GRIK4: variants seen among roughly 807,000 people sequenced by gnomAD.
The protein encoded by GRIK4 is glutamate receptor ionotropic, kainate 4.
A neutral mutation model predicts 104.9 loss-of-function variants in GRIK4; 40 were observed. That is an observed-to-expected ratio of 0.38 (90% confidence interval 0.30 to 0.50). The LOEUF is 0.50. GRIK4 is among the 20% of genes least tolerant of loss of function. The pLI is 0.93. For missense variants in GRIK4, 1,047 were observed against 1,308.1 expected, an observed-to-expected ratio of 0.80 and a Z score of 3.08; for synonymous variants, 485 against 524.9, an observed-to-expected ratio of 0.92 and a Z score of 1.04.
intron 13 of GRIK4, among the ~76,000 whole-genome samples, chr11:120,918,785 A>G (rs1216756734): frequency 6.6e-6 from 1 of 152,190 alleles, no homozygotes; most frequent in Non-Finnish European, 1.5e-5. Flanking sequence ...GGGAGCACAG[A>G]GAAGGAGGGA....
chr11:120,583,734 T>G (rs1322772092), intron 1 of GRIK4, among the ~76,000 whole-genome samples: 1 of 152,236 alleles, frequency 6.6e-6, no homozygotes, highest in Non-Finnish European at 1.5e-5. Context: ...AAACAGTTTT[T>G]CCTAGTTCTG....
chr11:120,621,480 G>A (rs2135165388), intron 1 of GRIK4, among the ~76,000 whole-genome samples: 1 of 152,330 alleles, frequency 6.6e-6, no homozygotes, highest in South Asian at 2.1e-4. Flanking sequence ...GGGATTTTCT[G>A]TGAGGTAGAC....
intron 1 of GRIK4, among the ~76,000 whole-genome samples, chr11:120,587,292 G>A (rs572737900): frequency 5.3e-5 from 8 of 151,976 alleles, no homozygotes; most frequent in African/African-American, 1.2e-4. Flanking sequence ...AAGGCACCGC[G>A]GCCAGTGTGA....
chr11:120,622,379 C>T (rs1199970999), intron 1 of GRIK4, among the ~76,000 whole-genome samples: 11 of 152,140 alleles, frequency 7.2e-5, no homozygotes, highest in Non-Finnish European at 1.5e-5. Flanking sequence ...CTTTAGGGGG[C>T]AGAAGTGAGA....
chr11:120,784,076 G>T (rs1014382455), intron 3 of GRIK4, among the ~76,000 whole-genome samples: 2 of 152,136 alleles, frequency 1.3e-5, no homozygotes, highest in Admixed American at 1.3e-4. Context: ...GTAGAACAGT[G>T]ACTTGATATT....
At chr11:120,834,227 G>T (rs1953511607) in intron 7 of GRIK4, among the ~76,000 whole-genome samples, 2 of 151,690 alleles carry the variant, frequency 1.3e-5, no homozygotes, top group Non-Finnish European at 2.9e-5. Context: ...TAGCACCCTT[G>T]CCAATACTGG....
At position 120,952,230 on chromosome 11, in the gene GRIK4, C is replaced by T. The variant is rs1227272330; in HGVS notation, c.1591-625C>T. ...TGGGCTTTGAGTCAGGAAACATGGG[C>T]TTTTTTGGGTCCCGGCTCTTCCATT... On this transcript the variant is annotated intron_variant, in intron 14 of 20. Coordinates refer to ENST00000527524, the MANE Select transcript of GRIK4 (RefSeq NM_014619.5). The surrounding 1 kb of genome is among the most constrained non-coding windows in gnomAD (Gnocchi z 5.2). Among the ~76,000 whole-genome samples the T allele has an allele frequency of 6.6e-6, 1 of 152,134 alleles. No homozygotes were observed. The highest frequency in any genetic ancestry group is 2.4e-5 in the African/African-American group (1 of 41,418).
At chr11:120,724,269 C>T (rs558380605) in intron 3 of GRIK4, among the ~76,000 whole-genome samples, 39 of 152,310 alleles carry the variant, frequency 2.6e-4, no homozygotes, top group African/African-American at 6.7e-4. Context: ...CTTACTCAGC[C>T]TTCCAAGTAA....
intron 3 of GRIK4, among the ~76,000 whole-genome samples, chr11:120,689,406 G>C (rs1458606202): frequency 6.6e-6 from 1 of 152,016 alleles, no homozygotes; most frequent in Non-Finnish European, 1.5e-5. Flanking sequence ...TCTTATTTAT[G>C]AAATACCAAC....
intron 2 of GRIK4, among the ~76,000 whole-genome samples, chr11:120,654,464 G>A (rs1949670206): frequency 6.6e-6 from 1 of 152,160 alleles, no homozygotes; most frequent in Non-Finnish European, 1.5e-5. Context: ...GCCGGTTCAA[G>A]TGATTCTCCT....
rs1467826001 is a variant in GRIK4, at chr11:120,566,973, T to TC, written c.-159+55086_-159+55087insC. The stretch of plus-strand genomic sequence containing the variant: ...CCGCCCACCTCGGCCTCCTAATTTT[T>TC]TTTTTTTTTTTTTTTTTTTTTGAGA... On this transcript the variant is annotated intron_variant, in intron 1 of 20. Transcript: ENST00000527524. Among the ~76,000 whole-genome samples the TC allele has an allele frequency of 2.2e-3, 305 of 138,242 alleles. 2 individuals are homozygous for TC. Among genetic ancestry groups the TC allele is most frequent in the African/African-American group, 8.8e-3 (290 of 33,114 alleles). 90.7% of individuals were successfully genotyped at this position (138,242 alleles called of 152,430 possible). A position where few individuals can be genotyped will look rare whatever the true frequency, so the allele number is the denominator to read the frequency against.
intron 3 of GRIK4, among the ~76,000 whole-genome samples, chr11:120,679,485 A>G (rs899597865): frequency 6.6e-6 from 1 of 152,256 alleles, no homozygotes; most frequent in Admixed American, 6.5e-5. Context: ...TCCCTGGAGC[A>G]TGGCCCATGC....
intron 3 of GRIK4, among the ~76,000 whole-genome samples, chr11:120,696,504 G>T (rs1175016090): frequency 7.6e-6 from 1 of 131,364 alleles, no homozygotes; most frequent in Non-Finnish European, 1.6e-5. Context: ...GGTAGAGGGG[G>T]CTGTGAAGCT....
chr11:120,631,867 A>G (rs895118834), intron 1 of GRIK4, among the ~76,000 whole-genome samples: 1 of 152,194 alleles, frequency 6.6e-6, no homozygotes, highest in African/African-American at 2.4e-5. Context: ...CATCTGCTCC[A>G]GAGACCCCCA....
intron 3 of GRIK4, among the ~76,000 whole-genome samples, chr11:120,663,875 C>G (rs193223790): frequency 4.6e-5 from 7 of 152,176 alleles, no homozygotes; most frequent in African/African-American, 1.7e-4. Context: ...AGTCCTTTCC[C>G]GTTATCATCC....
intron 11 of GRIK4, among the ~76,000 whole-genome samples, chr11:120,887,977 G>A (rs76873157): frequency 0.046 from 6,953 of 152,210 alleles, 205 homozygotes; most frequent in Middle Eastern, 0.092. Context: ...CCCAGAGGCG[G>A]TTGTGGTGGA....
intron 1 of GRIK4, among the ~76,000 whole-genome samples, chr11:120,517,925 T>C (rs1318404966): frequency 6.6e-6 from 1 of 152,004 alleles, no homozygotes; most frequent in African/African-American, 2.4e-5. Context: ...GGAGGTTAAG[T>C]TGTGTAAGTG....
chr11:120,643,613 G>C (rs1949500030), intron 1 of GRIK4, among the ~76,000 whole-genome samples: 2 of 152,228 alleles, frequency 1.3e-5, no homozygotes, highest in African/African-American at 2.4e-5. Context: ...TGGCAACTAA[G>C]TCTGACAATA....
In GRIK4 at chr11:120,685,098, G is replaced by A. The variant is rs1394955843; in HGVS notation, c.82+24698G>A. On this transcript the variant is annotated intron_variant, in intron 3 of 20. Coordinates refer to ENST00000527524, the MANE Select transcript of GRIK4 (RefSeq NM_014619.5). ...ATGACATTTAGATCTGCTGCCATCT[G>A]TCGGTGAGTGTGGAAAGGAGCTTGG... 1.3e-5 allele frequency among the ~76,000 whole-genome samples: 2 copies of A among 152,214 alleles called. 1 individual carries two copies. Among genetic ancestry groups the A allele is most frequent in the Non-Finnish European group, 2.9e-5 (2 of 68,042 alleles).
Sources: gnomAD v4.1 joint callset for allele counts (sites outside exome capture counted in the v4.1 genomes callset) on GRCh38, gnomAD v4.1.1 for gene constraint, Gnocchi (gnomAD v3.1) non-coding constraint, MANE v1.5 for transcripts, NCBI Gene and HGNC (gene_info 2026-07-23, HGNC 2026-07-21) for gene names.